Variants in ZRANB3 observed in about 807,000 individuals in gnomAD.
ZRANB3 encodes the protein DNA annealing helicase and endonuclease ZRANB3.
In ZRANB3, 125 loss-of-function variants were observed where a neutral mutation model predicts 133.8. The observed-to-expected ratio is 0.93, with a 90% CI of 0.81 to 1.08. ZRANB3 has a LOEUF of 1.08. Ranked by LOEUF, ZRANB3 falls within the 50% of genes least tolerant of loss-of-function variation. ZRANB3 has a pLI of 0.00. For synonymous variants in ZRANB3, 387 were observed against 432.7 expected (o/e 0.89, Z 1.31); for missense variants, 1,229 against 1,275.5 (o/e 0.96, Z 0.56).
Position 135,268,980 on chromosome 2 carries a change from C to G in ZRANB3, c.1368G>C (p.Trp456Cys). ...IANGTLDTLM[W>C]GMLNRKAQVT... is the part of the protein sequence containing the mutation. ...GCTTTACCTTGCGATTCAACATTCCCCACATAAGGGTGTCTAGGGTTCCAT... is the reference window on the plus strand; with the variant it reads ...GCTTTACCTTGCGATTCAACATTCCGCACATAAGGGTGTCTAGGGTTCCAT... Residue 456 changes from tryptophan (W) to cysteine (C), a missense_variant, in exon 11 of 21, where the codon TGG (tryptophan) becomes TGC (cysteine). Physicochemically the swap from Trp to Cys is radical, Grantham distance 215. Transcript: ENST00000264159. 6.2e-7 allele frequency: 1 copy of G among 1,604,638 alleles called. No individual in the cohort carries two copies. The highest frequency in any genetic ancestry group is 8.5e-7 in the Non-Finnish European group (1 of 1,176,428).
intron 2 of ZRANB3, among the ~76,000 whole-genome samples, chr2:135,478,333 G>C (rs1489021375): frequency 1.3e-5 from 2 of 151,880 alleles, no homozygotes; most frequent in African/African-American, 2.4e-5. Flanking sequence ...TTCATAAAAA[G>C]AGCATACCAA....
At chr2:135,312,172 A>AT (rs1292764997) in intron 8 of ZRANB3, among the ~76,000 whole-genome samples, 2 of 133,306 alleles carry the variant, frequency 1.5e-5, no homozygotes, top group East Asian at 2.1e-4. Context: ...ATTTTATTTT[A>AT]TTTTATTTTA....
At chr2:135,452,158 T>C (rs1416933822) in intron 2 of ZRANB3, among the ~76,000 whole-genome samples, 1 of 151,858 alleles carries the variant, frequency 6.6e-6, no homozygotes. Context: ...AAAAGGAAAA[T>C]GAGGAAGCAG....
rs139833143 is a variant in ZRANB3 at position 135,381,345 on chromosome 2, C to T, written c.180+9457G>A. ...CTGAGGCTTGAGTAGGTAAACAAAG[C>T]GGCCTGGAAGCTCGAACAGGGCGGA... On this transcript the variant is annotated intron_variant, in intron 3 of 20. Coordinates refer to ENST00000264159, the MANE Select transcript of ZRANB3 (RefSeq NM_032143.4). 3.2e-3 allele frequency among the ~76,000 whole-genome samples: 484 copies of T among 152,270 alleles called. 2 individuals are homozygous for T. The highest frequency in any genetic ancestry group is 0.011 in the African/African-American group (439 of 41,566).
At chr2:135,296,465 A>G (rs1426549214) in intron 8 of ZRANB3, among the ~76,000 whole-genome samples, 1 of 151,824 alleles carries the variant, frequency 6.6e-6, no homozygotes, top group Non-Finnish European at 1.5e-5. Flanking sequence ...TGGTTATTCT[A>G]GTTAGCCATT....
intron 6 of ZRANB3, among the ~76,000 whole-genome samples, chr2:135,333,404 C>T (rs2104850007): frequency 6.6e-6 from 1 of 152,182 alleles, no homozygotes; most frequent in South Asian, 2.1e-4. Flanking sequence ...ATATTACAAT[C>T]TTTTTAAAAC....
At position 135,376,683 on chromosome 2, in the gene ZRANB3, C is replaced by G. The variant is rs1482825298; in HGVS notation, c.180+14119G>C. Among the ~76,000 whole-genome samples, 14 of 152,204 alleles carry G rather than the reference C, an allele frequency of 9.2e-5. No individual in the cohort carries two copies. The East Asian group carries it at 2.7e-3, about 29-fold the overall frequency. On this transcript the variant is annotated intron_variant, in intron 3 of 20. Coordinates refer to ENST00000264159, the MANE Select transcript of ZRANB3 (RefSeq NM_032143.4). ...ATATCAGTGGTTACCAGGGGTTCAG[C>G]CCTGGGGGAAATTGAATAAATGAGG...
intron 6 of ZRANB3, among the ~76,000 whole-genome samples, chr2:135,340,852 T>C (rs1684618820): frequency 7.0e-6 from 1 of 142,954 alleles, no homozygotes; most frequent in South Asian, 2.1e-4. Context: ...TGAGATTCCG[T>C]CTCAAAAAAA....
At chr2:135,376,873 A>G (rs1686452610) in intron 3 of ZRANB3, among the ~76,000 whole-genome samples, 1 of 152,220 alleles carries the variant, frequency 6.6e-6, no homozygotes, top group Non-Finnish European at 1.5e-5. Flanking sequence ...AGATACCAGG[A>G]TGGAAAACAA....
chr2:135,313,292 G>A (rs1215821871), intron 8 of ZRANB3, among the ~76,000 whole-genome samples, 197 bp downstream of exon 8: 1 of 150,234 alleles, frequency 6.7e-6, no homozygotes, highest in Non-Finnish European at 1.5e-5. Flanking sequence ...GGCGGAGGCT[G>A]CAGTGAGCCG....
chr2:135,354,206 G>A (rs1458953026), intron 3 of ZRANB3, among the ~76,000 whole-genome samples: 2 of 152,106 alleles, frequency 1.3e-5, no homozygotes, highest in Non-Finnish European at 2.9e-5. Context: ...TTTATAAAAT[G>A]TATGTAACCA....
chr2:135,436,700 A>G (rs1689549184), intron 2 of ZRANB3, among the ~76,000 whole-genome samples: 1 of 152,192 alleles, frequency 6.6e-6, no homozygotes, highest in Non-Finnish European at 1.5e-5. Flanking sequence ...AAAACAATGT[A>G]CAGGTTCAAT....
intron 2 of ZRANB3, among the ~76,000 whole-genome samples, chr2:135,463,078 A>C (rs952055531): frequency 6.6e-6 from 1 of 152,250 alleles, no homozygotes; most frequent in East Asian, 1.9e-4. Flanking sequence ...CTGAAGTCCC[A>C]GCTACTTAGG....
intron 3 of ZRANB3, among the ~76,000 whole-genome samples, chr2:135,388,515 T>C (rs746822923): frequency 1.3e-5 from 2 of 152,184 alleles, no homozygotes; most frequent in Admixed American, 1.3e-4. Flanking sequence ...TCATAAAGGA[T>C]GCTGTTTGTT....
At chr2:135,293,225 G>A (rs1361536243) in intron 8 of ZRANB3, among the ~76,000 whole-genome samples, 3 of 152,148 alleles carry the variant, frequency 2.0e-5, no homozygotes, top group Non-Finnish European at 1.5e-5. Flanking sequence ...TCCTACCCAT[G>A]AGCATGGAAT....
intron 3 of ZRANB3, among the ~76,000 whole-genome samples, chr2:135,355,521 C>A (rs1036480556): frequency 6.6e-6 from 1 of 152,096 alleles, no homozygotes; most frequent in African/African-American, 2.4e-5. Flanking sequence ...CCACGCCTGG[C>A]TAATTTTATA....
At chr2:135,421,810 C>T (rs1468338294) in intron 2 of ZRANB3, among the ~76,000 whole-genome samples, 1 of 151,654 alleles carries the variant, frequency 6.6e-6, no homozygotes, top group Non-Finnish European at 1.5e-5. Flanking sequence ...ATTGTCAACC[C>T]ATTTACTCTG....
intron 2 of ZRANB3, among the ~76,000 whole-genome samples, chr2:135,471,903 A>T (rs1014960374): frequency 6.6e-6 from 1 of 152,224 alleles, no homozygotes; most frequent in Non-Finnish European, 1.5e-5. Flanking sequence ...ATATTCTGAC[A>T]TTTTCCATTG....
intron 6 of ZRANB3, among the ~76,000 whole-genome samples, chr2:135,335,430 G>A (rs1193625439): frequency 6.6e-6 from 1 of 152,030 alleles, no homozygotes; most frequent in African/African-American, 2.4e-5. Flanking sequence ...TGTGCCTCAT[G>A]CCTGTAAATC....
Sources: gnomAD v4.1 joint callset for allele counts (sites outside exome capture counted in the v4.1 genomes callset) on GRCh38, gnomAD v4.1.1 for gene constraint, MANE v1.5 for transcripts, NCBI Gene and HGNC (gene_info 2026-07-23, HGNC 2026-07-21) for gene names.